ABCA10: variants seen among roughly 807,000 people sequenced by gnomAD.
The protein encoded by ABCA10 is ATP binding cassette subfamily A member 10.
A neutral mutation model predicts 187.5 loss-of-function variants in ABCA10; 169 were observed. That is an observed-to-expected ratio of 0.90 (90% CI 0.80 to 1.02). ABCA10 has a LOEUF of 1.02. Among genes scored for constraint, ABCA10 ranks in the 50% least tolerant of loss-of-function variants. The pLI is 0.00. For missense variants in ABCA10, 1,727 were observed against 1,812.4 expected, an observed-to-expected ratio of 0.95 and a Z score of 0.86; for synonymous variants, 574 against 601.8, an observed-to-expected ratio of 0.95 and a Z score of 0.68.
chr17:69,211,338 T>TG (rs1355200807), intron 9 of ABCA10, among the ~76,000 whole-genome samples: 2 of 114,144 alleles, frequency 1.8e-5, no homozygotes, highest in East Asian at 4.4e-4. Context: ...TATATATATA[T>TG]ATATATATAT....
At chr17:69,159,763 A>T (rs1302812546) in intron 27 of ABCA10, among the ~76,000 whole-genome samples, 3 of 152,182 alleles carry the variant, frequency 2.0e-5, no homozygotes, top group African/African-American at 7.2e-5. Flanking sequence ...AAAGGGAGAC[A>T]ATAAAATAAA....
At chr17:69,211,304 TCATATATATG>T (rs371057303) in intron 9 of ABCA10, among the ~76,000 whole-genome samples, 11,593 of 57,444 alleles carry the variant, frequency 0.2, 1,814 homozygotes, top group African/African-American at 0.45. Context: ...TATATATACA[TCATATATATG>T]ATATATATAT....
At chr17:69,210,242 T>C (rs1842012308) in intron 9 of ABCA10, among the ~76,000 whole-genome samples, 1 of 131,264 alleles carries the variant, frequency 7.6e-6, no homozygotes, top group Non-Finnish European at 1.6e-5. Flanking sequence ...GACTGCGGAC[T>C]GCAGTGGCGC....
chr17:69,201,269 T>C (rs2074541623), intron 10 of ABCA10, among the ~76,000 whole-genome samples: 1 of 152,072 alleles, frequency 6.6e-6, no homozygotes, highest in Non-Finnish European at 1.5e-5. Context: ...TGGGAGATGA[T>C]AATATGGAAG....
At chr17:69,205,506 T>TTCTG (rs2074584510) in intron 9 of ABCA10, among the ~76,000 whole-genome samples, 1 of 152,130 alleles carries the variant, frequency 6.6e-6, no homozygotes, top group Admixed American at 6.5e-5. Flanking sequence ...CAAAACAGAA[T>TTCTG]AAACAATAAA....
At chr17:69,170,157 G>A (rs796694557) in intron 25 of ABCA10, among the ~76,000 whole-genome samples, 88 of 151,632 alleles carry the variant, frequency 5.8e-4, no homozygotes, top group Middle Eastern at 3.4e-3. Context: ...GCATGGTGGC[G>A]CACACCTGTA....
Position 69,175,522 on chromosome 17 carries a change from T to C in ABCA10, c.2770-9A>G. 6.3e-7 allele frequency: 1 copy of C among 1,581,464 alleles called. No individual in the cohort carries two copies. Among genetic ancestry groups the C allele is most frequent in the Non-Finnish European group, 8.7e-7 (1 of 1,155,888 alleles). On this transcript the variant is annotated splice_polypyrimidine_tract_variant and intron_variant, in intron 22 of 38. Coordinates refer to ENST00000690296, the MANE Select transcript of ABCA10 (RefSeq NM_001377321.1). The stretch of plus-strand genomic sequence containing the variant: ...TCCAGCACTATGTCATCCTGAAAGA[T>C]GAAAACACATCAGTAAGCTGTTGCA...
chr17:69,184,099 CT>C (rs1316834657), intron 20 of ABCA10, among the ~76,000 whole-genome samples: 2 of 152,132 alleles, frequency 1.3e-5, no homozygotes, highest in African/African-American at 4.8e-5. Context: ...CTTTCCCCTA[CT>C]TCCCTAGCGA....
Position 69,174,411 on chromosome 17 carries a change from T to C in ABCA10, c.3049-17A>G. On this transcript the variant is annotated splice_polypyrimidine_tract_variant and intron_variant, in intron 24 of 38. Transcript: ENST00000690296. ...GCATACCACCTGCAAATAATGAGGA[T>C]CAATGGCAAGATTAGAAATGGCAGG... 1.3e-6 allele frequency: 2 copies of C among 1,555,208 alleles called. No individual in the cohort carries two copies.
chr17:69,193,235 T>C lies in ABCA10; in HGVS notation c.1655A>G (p.Asp552Gly). The C allele has an allele frequency of 8.1e-6, 13 of 1,613,300 alleles. No individual in the cohort carries two copies. The highest frequency in any genetic ancestry group is 1.1e-5 in the Non-Finnish European group (13 of 1,179,822). Residue 552 changes from aspartate (D) to glycine (G), a missense_variant, in exon 15 of 39, where the codon GAT becomes GGT. Coordinates refer to ENST00000690296, the MANE Select transcript of ABCA10 (RefSeq NM_001377321.1). ...GGGATCCAATCCAGCAGTTGGTTCA[T>C]CTAGCAGCAAAACCTACAGAGGAGG... ...ILGDPQVLLLDEPTAGLDPFS... is the reference protein window; with the variant it reads ...ILGDPQVLLLGEPTAGLDPFS...
intron 6 of ABCA10, among the ~76,000 whole-genome samples, chr17:69,216,740 G>A (rs2074708590): frequency 6.6e-6 from 1 of 151,876 alleles, no homozygotes; most frequent in African/African-American, 2.4e-5. Flanking sequence ...AATGTCAGTG[G>A]AAAAACAACG....
intron 26 of ABCA10, among the ~76,000 whole-genome samples, chr17:69,164,754 T>C (rs2074242907): frequency 6.6e-6 from 1 of 152,206 alleles, no homozygotes; most frequent in Admixed American, 6.5e-5. Context: ...TATTTCTGCA[T>C]GGATTGACCC....
At chr17:69,178,809 G>A (rs2074355756) in intron 22 of ABCA10, 1 of 152,034 alleles carries the variant, frequency 6.6e-6, no homozygotes, top group African/African-American at 2.4e-5. Context: ...CCTGTTTCTG[G>A]TGAAAATGCA....
chr17:69,228,188 A>T (rs1487837801), intron 1 of ABCA10, among the ~76,000 whole-genome samples: 1 of 151,996 alleles, frequency 6.6e-6, no homozygotes, highest in African/African-American at 2.4e-5. Flanking sequence ...AGGTCTACTT[A>T]AACAGCTCCA....
chr17:69,157,296 C>A (rs542163704), intron 27 of ABCA10, among the ~76,000 whole-genome samples: 3 of 152,104 alleles, frequency 2.0e-5, no homozygotes, highest in Non-Finnish European at 4.4e-5. Context: ...CTCAAACTTC[C>A]GTTTTCATGC....
intron 25 of ABCA10, 38 bp downstream of exon 25, chr17:69,174,243 A>T (rs774404825): frequency 2.1e-6 from 3 of 1,422,928 alleles, no homozygotes; most frequent in Non-Finnish European, 2.9e-6. Context: ...ACTTCAAGGA[A>T]ATTTAATATA....
intron 18 of ABCA10, among the ~76,000 whole-genome samples, chr17:69,189,019 A>G (rs2074441462): frequency 6.6e-6 from 1 of 152,164 alleles, no homozygotes. Context: ...TTATGACAGA[A>G]TGATTTATAT....
intron 9 of ABCA10, among the ~76,000 whole-genome samples, chr17:69,211,535 AAT>A (rs2074659441): frequency 1.3e-5 from 2 of 151,528 alleles, no homozygotes; most frequent in African/African-American, 4.9e-5. Context: ...TATCTTTTGA[AAT>A]AGTGTCAATA....
intron 17 of ABCA10, 95 bp from the exon 18 acceptor site, chr17:69,190,572 C>T (rs1365789332): frequency 8.7e-7 from 1 of 1,155,222 alleles, no homozygotes; most frequent in Non-Finnish European, 1.2e-6. Context: ...TAGATGTCTA[C>T]AAATGTTTTC....
Sources: gnomAD v4.1 joint callset for allele counts (sites outside exome capture counted in the v4.1 genomes callset) on GRCh38, gnomAD v4.1.1 for gene constraint, MANE v1.5 for transcripts, NCBI Gene and HGNC (gene_info 2026-07-23, HGNC 2026-07-21) for gene names.